TRIP12: variants seen among roughly 807,000 people sequenced by gnomAD.
TRIP12 encodes thyroid hormone receptor interactor 12, also known as E3 ubiquitin-protein ligase TRIP12.
A neutral mutation model predicts 244.2 loss-of-function variants in TRIP12; 25 were observed. That is an observed-to-expected ratio of 0.10 (90% CI 0.07 to 0.14). TRIP12 has a LOEUF of 0.14. TRIP12 is among the 10% of genes least tolerant of loss of function. TRIP12 has a pLI of 1.00. For synonymous variants in TRIP12, 905 were observed against 873.1 expected, an observed-to-expected ratio of 1.04 and a Z score of -0.64; for missense variants, 1,677 against 2,486.4, an observed-to-expected ratio of 0.67 and a Z score of 6.92.
Position 229,815,146 on chromosome 2 carries a change from G to C in TRIP12, c.1684C>G (p.Arg562Gly). The change falls in exon 11 of 42, where the codon CGA becomes GGA. Residue 562 changes from arginine to glycine, a missense_variant. This residue lies in a region of TRIP12 where 572 missense variants were observed against 867.8 expected (regional missense o/e 0.66). Transcript: ENST00000675903. Reference sequence around the variant, plus strand: ...GCATCTACTACAACAGCAGAAGATCGAGGAAGTGCTTCCATCATGTATGTT... The same window carrying C: ...GCATCTACTACAACAGCAGAAGATCCAGGAAGTGCTTCCATCATGTATGTT... ...ALTYMMEALP[R>G]SSAVVVDAIP... 1 of 1,613,018 alleles carries C rather than the reference G, an allele frequency of 6.2e-7. No homozygotes were observed. The highest frequency in any genetic ancestry group is 8.5e-7 in the Non-Finnish European group (1 of 1,179,576).
chr2:229,811,124 C>T lies in TRIP12; in HGVS notation c.2055+12G>A. On this transcript the variant is annotated intron_variant, in intron 14 of 41. Transcript: ENST00000675903. ...AACCTCATAAAAATACTACCAAAGA[C>T]TAAACACTTACCTCCTCATGCTGGA... The T allele has an allele frequency of 6.2e-7, 1 of 1,613,994 alleles. No individual in the cohort carries two copies. Among genetic ancestry groups the T allele is most frequent in the Non-Finnish European group, 8.5e-7 (1 of 1,179,970 alleles).
chr2:229,801,894 C>T (rs935643494), intron 21 of TRIP12, among the ~76,000 whole-genome samples: 1 of 152,070 alleles, frequency 6.6e-6, no homozygotes, highest in Non-Finnish European at 1.5e-5. Context: ...CGTATGTATG[C>T]AGCAGCACAA....
At chr2:229,825,468 T>C (rs1316604607) in intron 8 of TRIP12, among the ~76,000 whole-genome samples, 2 of 152,188 alleles carry the variant, frequency 1.3e-5, no homozygotes, top group African/African-American at 4.8e-5. Context: ...GACTGGATAA[T>C]TTATAAAGAA....
In TRIP12 at chr2:229,830,887, AT is replaced by A. The variant is rs1210503351; in HGVS notation, c.1271-49del. 19 of 1,580,494 alleles carry A rather than the reference AT, an allele frequency of 1.2e-5. No homozygotes were observed. In the Middle Eastern group the frequency reaches 8.3e-4, roughly 69 times the overall value. Reference sequence around the variant, plus strand: ...AGGGTTAGGAGGAGCACTTAAACACATTATGTCTGGCTTACCTTAGAAAAAC... The same window carrying A: ...AGGGTTAGGAGGAGCACTTAAACACATATGTCTGGCTTACCTTAGAAAAAC... On this transcript the variant is annotated intron_variant, in intron 6 of 41. Coordinates refer to ENST00000675903, the MANE Select transcript of TRIP12 (RefSeq NM_001348323.3).
intron 7 of TRIP12, among the ~76,000 whole-genome samples, chr2:229,830,443 T>A (rs929348638): frequency 6.6e-6 from 1 of 152,150 alleles, no homozygotes; most frequent in Non-Finnish European, 1.5e-5. Flanking sequence ...AAAAATATAT[T>A]AAGGTACCCA....
chr2:229,768,113 C>G (rs1313457409), intron 41 of TRIP12, among the ~76,000 whole-genome samples: 3 of 151,998 alleles, frequency 2.0e-5, no homozygotes, highest in Non-Finnish European at 4.4e-5. Context: ...AAAAATTAGC[C>G]AGACATGGTG....
chr2:229,919,542 G>GT (rs2076110992), intron 1 of TRIP12, among the ~76,000 whole-genome samples: 2 of 151,614 alleles, frequency 1.3e-5, no homozygotes, highest in Non-Finnish European at 1.5e-5. Flanking sequence ...TTTTTTAAAT[G>GT]TAACTACTTT....
intron 1 of TRIP12, among the ~76,000 whole-genome samples, chr2:229,897,842 C>G (rs2069332677): frequency 6.6e-6 from 1 of 152,088 alleles, no homozygotes; most frequent in Non-Finnish European, 1.5e-5. Flanking sequence ...CCCTATGTTC[C>G]CACAGACTCC....
chr2:229,792,258 G>A, intron 27 of TRIP12, 32 bp from the exon 28 acceptor site: 1 of 1,594,808 alleles, frequency 6.3e-7, no homozygotes, highest in Non-Finnish European at 8.5e-7. Context: ...TAAACTCTTA[G>A]CGATTTTAGG....
chr2:229,769,075 C>T (rs1000543232), intron 40 of TRIP12, among the ~76,000 whole-genome samples, 156 bp downstream of exon 40: 1 of 152,040 alleles, frequency 6.6e-6, no homozygotes, highest in African/African-American at 2.4e-5. Flanking sequence ...GAAATAAGGC[C>T]AAAACAGAAG....
At chr2:229,788,460 T>G (rs754736772) in intron 32 of TRIP12, among the ~76,000 whole-genome samples, 2 of 152,218 alleles carry the variant, frequency 1.3e-5, no homozygotes, top group Non-Finnish European at 2.9e-5. Flanking sequence ...CATTTATCAC[T>G]GCAGTTCTAG....
At chr2:229,872,646 C>A (rs933622379) in intron 2 of TRIP12, among the ~76,000 whole-genome samples, 16 of 152,140 alleles carry the variant, frequency 1.1e-4, no homozygotes, top group African/African-American at 3.9e-4. Context: ...TAATTCTATC[C>A]TTAAAAAGAA....
intron 1 of TRIP12, among the ~76,000 whole-genome samples, chr2:229,919,321 C>A (rs907971211): frequency 3.3e-5 from 5 of 151,926 alleles, no homozygotes; most frequent in African/African-American, 9.7e-5. Flanking sequence ...GAGGCTGAGG[C>A]AGGAGAATCG....
In TRIP12 at chr2:229,812,452, C is replaced by T. The variant is rs1194133212; in HGVS notation, c.1987-1248G>A. Among the ~76,000 whole-genome samples, 3 of 152,200 alleles carry T rather than the reference C, an allele frequency of 2.0e-5. No individual in the cohort carries two copies. In the East Asian group the frequency reaches 5.8e-4, roughly 29 times the overall value. ...ATGAATAGTACTACTTTGTCTTGATCATTTTAGAAGCAAAAGGCTCTAGAG... is the reference window on the plus strand; with the variant it reads ...ATGAATAGTACTACTTTGTCTTGATTATTTTAGAAGCAAAAGGCTCTAGAG... On this transcript the variant is annotated intron_variant, in intron 13 of 41. Transcript: ENST00000675903.
At chr2:229,830,692 A>G in intron 7 of TRIP12, 64 bp downstream of exon 7, 2 of 1,447,768 alleles carry the variant, frequency 1.4e-6, no homozygotes, top group Middle Eastern at 1.8e-4. Context: ...TAATTTCAAT[A>G]AAGAATGGTA....
At chr2:229,816,325 TA>T (rs11311195) in intron 9 of TRIP12, among the ~76,000 whole-genome samples, 11,908 of 140,622 alleles carry the variant, frequency 0.085, 1,459 homozygotes, top group African/African-American at 0.28. Context: ...TTTCAGGACT[TA>T]AAAAAAAAAA....
intron 8 of TRIP12, among the ~76,000 whole-genome samples, chr2:229,823,608 G>A (rs967546828): frequency 4.0e-5 from 6 of 151,770 alleles, no homozygotes; most frequent in Admixed American, 1.3e-4. Context: ...CCCGGGAGGC[G>A]GAGCTTGCAG....
chr2:229,769,146 C>T (rs1372628844), intron 40 of TRIP12, 85 bp downstream of exon 40: 3 of 1,167,462 alleles, frequency 2.6e-6, no homozygotes, highest in Non-Finnish European at 3.6e-6. Context: ...TTGTTGTTTA[C>T]ACATGTGCGC....
chr2:229,853,192 C>A (rs2154330033), intron 4 of TRIP12, among the ~76,000 whole-genome samples: 1 of 152,100 alleles, frequency 6.6e-6, no homozygotes, highest in East Asian at 1.9e-4. Flanking sequence ...TGGAAGAAAA[C>A]AAAGGATATC....
Sources: gnomAD v4.1 joint callset for allele counts (sites outside exome capture counted in the v4.1 genomes callset) on GRCh38, gnomAD v4.1.1 for gene constraint, gnomAD v4.1.1 regional missense constraint, MANE v1.5 for transcripts, NCBI Gene and HGNC (gene_info 2026-07-23, HGNC 2026-07-21) for gene names.